The following GLIS3 variants were observed in gnomAD, a reference collection of about 807,000 sequenced individuals.
GLIS3 encodes the protein GLIS family zinc finger 3.
In GLIS3, 53 loss-of-function variants were observed where a neutral mutation model predicts 78.6. The ratio of observed to expected loss-of-function variants is 0.67; its 90% CI spans 0.54 to 0.85. The LOEUF (loss-of-function observed/expected upper bound fraction) is 0.85. GLIS3 is among the 40% of genes least tolerant of loss of function. The pLI, the probability that GLIS3 is intolerant of heterozygous loss-of-function variation, is 0.00. For synonymous variants in GLIS3, 684 were observed against 509.9 expected, an observed-to-expected ratio of 1.34 and a Z score of -4.60; for missense variants, 1,703 against 1,231.1, an observed-to-expected ratio of 1.38 and a Z score of -5.74.
intron 8 of GLIS3, among the ~76,000 whole-genome samples, chr9:3,868,801 T>C (rs1443487690): frequency 6.7e-6 from 1 of 149,968 alleles, no homozygotes; most frequent in African/African-American, 2.5e-5. Flanking sequence ...CCTGGCTCTC[T>C]TCCTTCTTAG....
At chr9:3,974,597 T>C (rs1818628497) in intron 4 of GLIS3, among the ~76,000 whole-genome samples, 2 of 152,138 alleles carry the variant, frequency 1.3e-5, no homozygotes, top group African/African-American at 4.8e-5. Flanking sequence ...GAAAAACCAA[T>C]CGCTCCCTAA....
chr9:4,439,358 C>T, the GLIS3 span, among the ~76,000 whole-genome samples: 106 of 152,288 alleles, frequency 7.0e-4, no homozygotes, highest in African/African-American at 2.4e-3. Flanking sequence ...AATTTTAGAA[C>T]GTTTTCCTCA....
intron 1 of GLIS3, among the ~76,000 whole-genome samples, chr9:4,294,753 G>A (rs551248730): frequency 8.5e-5 from 13 of 152,228 alleles, no homozygotes; most frequent in African/African-American, 2.4e-4. Flanking sequence ...GCCCTTACAT[G>A]TACACAGATT....
chr9:4,369,490 T>C, the GLIS3 span, among the ~76,000 whole-genome samples: 1 of 152,202 alleles, frequency 6.6e-6, no homozygotes, highest in African/African-American at 2.4e-5. Context: ...ACCTGTAAGT[T>C]CCACCATATG....
the GLIS3 span, among the ~76,000 whole-genome samples, chr9:4,482,408 T>C: frequency 6.6e-6 from 1 of 152,230 alleles, no homozygotes; most frequent in Non-Finnish European, 1.5e-5. Context: ...AAGTTCTATC[T>C]AGACTGAGAT....
At chr9:4,446,963 G>A in the GLIS3 span, among the ~76,000 whole-genome samples, 94 of 151,950 alleles carry the variant, frequency 6.2e-4, 1 homozygote, top group African/African-American at 2.0e-3. Context: ...TTTTGCAAAC[G>A]TGCCCCGTGA....
the GLIS3 span, among the ~76,000 whole-genome samples, chr9:4,390,451 A>C: frequency 6.6e-6 from 1 of 152,020 alleles, no homozygotes; most frequent in African/African-American, 2.4e-5. Context: ...TTGTACCCGC[A>C]AACTTCTAAG....
the GLIS3 span, among the ~76,000 whole-genome samples, chr9:4,456,930 T>A: frequency 1.3e-5 from 2 of 152,136 alleles, no homozygotes; most frequent in Non-Finnish European, 2.9e-5. Context: ...CCATAACAGA[T>A]TAAATAATTT....
the GLIS3 span, among the ~76,000 whole-genome samples, chr9:4,432,529 G>C: frequency 9.9e-5 from 15 of 152,154 alleles, no homozygotes; most frequent in Middle Eastern, 3.4e-3. Context: ...ATGTTCAGCA[G>C]CAATAGGGAC....
intron 2 of GLIS3, among the ~76,000 whole-genome samples, chr9:4,248,491 G>A (rs1455041795): frequency 6.6e-6 from 1 of 152,074 alleles, no homozygotes; most frequent in Non-Finnish European, 1.5e-5. Context: ...GTCTATCATT[G>A]ATGGGCATTT....
intron 4 of GLIS3, among the ~76,000 whole-genome samples, chr9:4,085,921 C>G (rs1440748950): frequency 1.3e-5 from 2 of 152,172 alleles, no homozygotes; most frequent in Non-Finnish European, 2.9e-5. Context: ...GCAAATTAAA[C>G]CTCTTTTCTC....
At chr9:4,475,045 G>A in the GLIS3 span, among the ~76,000 whole-genome samples, 3 of 138,882 alleles carry the variant, frequency 2.2e-5, no homozygotes, top group Non-Finnish European at 3.0e-5. Flanking sequence ...CCAGGCTAGA[G>A]TGCAGTGGCA....
intron 4 of GLIS3, among the ~76,000 whole-genome samples, chr9:4,093,560 T>G (rs2130766068): frequency 6.6e-6 from 1 of 152,304 alleles, no homozygotes; most frequent in East Asian, 1.9e-4. Context: ...TCTAGCACAT[T>G]TTAAACTGGC....
At chr9:3,988,547 T>C (rs1819958664) in intron 4 of GLIS3, among the ~76,000 whole-genome samples, 1 of 152,188 alleles carries the variant, frequency 6.6e-6, no homozygotes, top group African/African-American at 2.4e-5. Flanking sequence ...CAATGTGGTA[T>C]TGATGAATTA....
the GLIS3 span, among the ~76,000 whole-genome samples, chr9:4,480,930 T>C: frequency 1.9e-3 from 293 of 151,886 alleles, no homozygotes; most frequent in Non-Finnish European, 3.3e-3. Context: ...CTCAGCTTAC[T>C]GGAGGTCCGG....
chr9:4,399,830 T>C, the GLIS3 span, among the ~76,000 whole-genome samples: 2 of 152,170 alleles, frequency 1.3e-5, no homozygotes, highest in Non-Finnish European at 1.5e-5. Context: ...TTAAGTTTAC[T>C]TTGAGGCATG....
At chr9:4,437,066 A>G in the GLIS3 span, among the ~76,000 whole-genome samples, 1 of 152,186 alleles carries the variant, frequency 6.6e-6, no homozygotes, top group Non-Finnish European at 1.5e-5. Context: ...GGTGTGGAAC[A>G]GCATCAGGGT....
intron 4 of GLIS3, among the ~76,000 whole-genome samples, chr9:4,098,567 C>T (rs1056243979): frequency 6.6e-6 from 1 of 152,188 alleles, no homozygotes; most frequent in Non-Finnish European, 1.5e-5. Flanking sequence ...AAGGCCTCTG[C>T]AGCATTTCTT....
chr9:4,259,294 T>C (rs1450900191), intron 2 of GLIS3, among the ~76,000 whole-genome samples: 1 of 151,970 alleles, frequency 6.6e-6, no homozygotes, highest in East Asian at 1.9e-4. Context: ...GAGGAGTTAA[T>C]TGATTGCAGA....
Sources: gnomAD v4.1 joint callset for allele counts (sites outside exome capture counted in the v4.1 genomes callset) on GRCh38, gnomAD v4.1.1 for gene constraint, MANE v1.5 for transcripts, NCBI Gene and HGNC (gene_info 2026-07-23, HGNC 2026-07-21) for gene names.